The following SLFN12 variants were observed in gnomAD, a reference collection of about 807,000 sequenced individuals.
SLFN12 encodes the protein schlafen family member 12, also known as ribonuclease SLFN12.
Under a neutral mutation model 29.1 loss-of-function variants are expected in SLFN12, and 25 were observed. The observed-to-expected ratio is 0.86, with a 90% CI of 0.63 to 1.20. The LOEUF (loss-of-function observed/expected upper bound fraction) is 1.20. Among genes scored for constraint, SLFN12 ranks in the 50% most tolerant of loss-of-function variants. The pLI, the probability that SLFN12 is intolerant of heterozygous loss-of-function variation, is 0.00. For synonymous variants in SLFN12, 257 were observed against 238.7 expected, an observed-to-expected ratio of 1.08 and a Z score of -0.71; for missense variants, 660 against 666.2, an observed-to-expected ratio of 0.99 and a Z score of 0.10.
chr17:35,422,024 C>G lies in SLFN12; in HGVS notation c.1005G>C (p.Lys335Asn), dbSNP rs761111197. 18 of 1,614,074 alleles carry G rather than the reference C, an allele frequency of 1.1e-5. No individual in the cohort carries two copies. The South Asian group carries it at 2.0e-4, about 18-fold the overall frequency. Residue 335 changes from lysine (K) to asparagine (N), a missense_variant, in exon 2 of 4, where the codon AAG becomes AAC. Physicochemically the swap from Lys to Asn is moderately conservative, Grantham distance 94 (BLOSUM62 0). Transcript: ENST00000304905. ...KDNRVMQLTRKEWIQFMVEAE... is the reference protein window; with the variant it reads ...KDNRVMQLTRNEWIQFMVEAE... ...CCTCCACCATGAACTGGATCCATTC[C>G]TTCCTGGTCAACTGCATCACACGGT...
chr17:35,423,771 G>A (rs143575914), intron 1 of SLFN12, among the ~76,000 whole-genome samples: 1 of 152,220 alleles, frequency 6.6e-6, no homozygotes, highest in Non-Finnish European at 1.5e-5. Flanking sequence ...AGGTGATGAG[G>A]TTTTTGGGAA....
intron 1 of SLFN12, 92 bp from the exon 2 acceptor site, chr17:35,423,160 G>T: frequency 7.2e-7 from 1 of 1,390,864 alleles, no homozygotes; most frequent in Non-Finnish European, 9.5e-7. Flanking sequence ...ATCCTGTGCT[G>T]TATATATTCT....
intron 1 of SLFN12, among the ~76,000 whole-genome samples, chr17:35,427,976 A>C (rs1434189848): frequency 6.6e-6 from 1 of 152,104 alleles, no homozygotes; most frequent in Non-Finnish European, 1.5e-5. Context: ...AAGAAGCCAG[A>C]TTTCAGGATA....
chr17:35,422,024 C>T lies in SLFN12; in HGVS notation c.1005G>A (p.Lys335=). ...CCTCCACCATGAACTGGATCCATTC[C>T]TTCCTGGTCAACTGCATCACACGGT... ...KDNRVMQLTR[K]EWIQFMVEAE... is the part of the protein sequence containing the mutation. Residue 335 remains lysine (K), a synonymous_variant, in exon 2 of 4, where the codon AAG becomes AAA. Coordinates refer to ENST00000304905, the MANE Select transcript of SLFN12 (RefSeq NM_018042.5). 1 of 1,614,074 alleles carries T rather than the reference C, an allele frequency of 6.2e-7. No homozygotes were observed. The highest frequency in any genetic ancestry group is 8.5e-7 in the Non-Finnish European group (1 of 1,179,986).
intron 1 of SLFN12, 129 bp from the exon 2 acceptor site, chr17:35,423,197 A>G (rs1911809971): frequency 9.7e-7 from 1 of 1,028,892 alleles, no homozygotes; most frequent in East Asian, 2.8e-5. Context: ...TATGGATATG[A>G]AGAGACTGGC....
chr17:35,416,045 A>G (rs1274003973), intron 3 of SLFN12, among the ~76,000 whole-genome samples: 3 of 152,172 alleles, frequency 2.0e-5, no homozygotes, highest in Non-Finnish European at 4.4e-5. Flanking sequence ...CATGAGAAAG[A>G]TGTTTGCACA....
At position 35,422,197 on chromosome 17, in the gene SLFN12, T is replaced by C. The variant is rs770456367; in HGVS notation, c.832A>G (p.Met278Val). 20 of 1,614,028 alleles carry C rather than the reference T, an allele frequency of 1.2e-5. No homozygotes were observed. The highest frequency in any genetic ancestry group is 2.2e-5 in the South Asian group (2 of 91,090). ...IRKMPVHHFC[M>V]EKKKINYSCK... The stretch of plus-strand genomic sequence containing the variant: ...GAATAATTTATCTTCTTCTTCTCCA[T>C]ACAGAAGTGATGCACAGGCATCTTC... Residue 278 changes from methionine (M) to valine (V), a missense_variant, in exon 2 of 4, where the codon ATG (methionine) becomes GTG (valine). By Grantham distance (21) the Met-to-Val change is conservative (BLOSUM62 1). Coordinates refer to ENST00000304905, the MANE Select transcript of SLFN12 (RefSeq NM_018042.5).
Position 35,422,988 on chromosome 17 carries a change from A to C in SLFN12, c.41T>G (p.Leu14Trp). 6.2e-7 allele frequency: 1 copy of C among 1,613,320 alleles called. No individual in the cohort carries two copies. Among genetic ancestry groups the C allele is most frequent in the Non-Finnish European group, 8.5e-7 (1 of 1,179,732 alleles). ...AGTGACTCTTCCCACATCTAGAACC[A>C]ACTCGGCATAATTCGTTTCCAAATC... is the stretch of plus-strand genomic sequence containing the variant. ...SVDLETNYAELVLDVGRVTLG... is the reference protein window; with the variant it reads ...SVDLETNYAEWVLDVGRVTLG... Residue 14 changes from leucine to tryptophan, a missense_variant, in exon 2 of 4, where the codon TTG becomes TGG. By Grantham distance (61) the Leu-to-Trp change is moderately conservative. Coordinates refer to ENST00000304905, the MANE Select transcript of SLFN12 (RefSeq NM_018042.5).
intron 1 of SLFN12, among the ~76,000 whole-genome samples, chr17:35,427,751 A>G (rs1423142912): frequency 6.6e-6 from 1 of 152,140 alleles, no homozygotes; most frequent in Admixed American, 6.5e-5. Context: ...ATTACCTTAC[A>G]ACTGAACATT....
intron 1 of SLFN12, chr17:35,430,603 A>G (rs935104862): frequency 2.0e-5 from 3 of 152,124 alleles, no homozygotes; most frequent in Admixed American, 1.3e-4. Flanking sequence ...CTGCATGCAA[A>G]CATCGAAAAC....
intron 1 of SLFN12, chr17:35,430,536 T>G (rs1399230936): frequency 6.6e-6 from 1 of 152,152 alleles, no homozygotes; most frequent in Non-Finnish European, 1.5e-5. Context: ...GGTCGCATAT[T>G]TGTTTCACTT....
intron 3 of SLFN12, among the ~76,000 whole-genome samples, chr17:35,419,340 T>A (rs1025355502): frequency 7.9e-5 from 12 of 152,100 alleles, no homozygotes; most frequent in Admixed American, 2.0e-4. Flanking sequence ...GCCACCAGCT[T>A]GGAGAAAACA....
At chr17:35,431,829 A>G (rs1447326753) in intron 1 of SLFN12, 2 of 152,192 alleles carry the variant, frequency 1.3e-5, no homozygotes, top group East Asian at 3.8e-4. Context: ...AACCTTAGCC[A>G]GTAGAGTAGG....
intron 3 of SLFN12, among the ~76,000 whole-genome samples, chr17:35,412,433 T>C (rs1262866503): frequency 1.3e-5 from 2 of 152,080 alleles, no homozygotes; most frequent in Admixed American, 6.5e-5. Flanking sequence ...AGCCTCATGG[T>C]GCTCAGGAAA....
At chr17:35,428,778 A>G (rs1444821288) in intron 1 of SLFN12, among the ~76,000 whole-genome samples, 1 of 152,154 alleles carries the variant, frequency 6.6e-6, no homozygotes, top group Non-Finnish European at 1.5e-5. Context: ...ATGTGGCATA[A>G]TTATGCTAGA....
rs1042118183 is a variant in SLFN12 at position 35,411,934 on chromosome 17, A to G, written c.1148-7T>C. 4.6e-6 allele frequency: 7 copies of G among 1,535,398 alleles called. No homozygotes were observed. The African/African-American group carries it at 9.7e-5, about 21-fold the overall frequency. ...GTTATCCTTCCTGATAGCCCTGAAT[A>G]AGGAAATAATAATAATAAATTATAA... On this transcript the variant is annotated splice_region_variant and splice_polypyrimidine_tract_variant and intron_variant, in intron 3 of 3. Coordinates refer to ENST00000304905, the MANE Select transcript of SLFN12 (RefSeq NM_018042.5).
At position 35,413,069 on chromosome 17, in the gene SLFN12, A is replaced by T. The variant is rs75911937; in HGVS notation, c.1148-1142T>A. Among the ~76,000 whole-genome samples the T allele has an allele frequency of 1.2e-4, 10 of 83,134 alleles. 1 individual carries two copies. Among genetic ancestry groups the T allele is most frequent in the Non-Finnish European group, 1.8e-4 (6 of 33,030 alleles). The allele number at this position is 83,134 out of a possible 152,430, so 54.5% of individuals were successfully genotyped here. A position where few individuals can be genotyped will look rare whatever the true frequency, so the allele number is the denominator to read the frequency against. On this transcript the variant is annotated intron_variant, in intron 3 of 3. Coordinates refer to ENST00000304905, the MANE Select transcript of SLFN12 (RefSeq NM_018042.5). ...GCAAAAGTCCGAACTCAAACTCAAT[A>T]AAAAAAAAAAAGGTAAAAACAGAAG...
chr17:35,422,519 A>G lies in SLFN12; in HGVS notation c.510T>C (p.Asp170=), dbSNP rs991794068. ...CCTTCATGTTATTTTCTTCTTGTAT[A>G]TCAACACAGGGCCTCTTTGCCAGCA... is the stretch of plus-strand genomic sequence containing the variant. ...PELLAKRPCV[D]IQEENNMKAL... is the part of the protein sequence containing the mutation. The change falls in exon 2 of 4, where the codon GAT becomes GAC. Residue 170 remains aspartate, a synonymous_variant. Transcript: ENST00000304905. 2 of 1,614,040 alleles carry G rather than the reference A, an allele frequency of 1.2e-6. No homozygotes were observed. Among genetic ancestry groups the G allele is most frequent in the Non-Finnish European group, 1.7e-6 (2 of 1,179,984 alleles).
In SLFN12 at chr17:35,411,330, A is replaced by G. The variant is rs370501256; in HGVS notation, c.*8T>C. ...GAAAAATATCTCAGTAGCCCAGTCCATTTTCCATCAGGTGAGCCTTCGACA... is the reference window on the plus strand; with the variant it reads ...GAAAAATATCTCAGTAGCCCAGTCCGTTTTCCATCAGGTGAGCCTTCGACA... On this transcript the variant is annotated 3_prime_UTR_variant, in exon 4 of 4. Transcript: ENST00000304905. The G allele has an allele frequency of 1.2e-4, 182 of 1,501,400 alleles. 1 individual carries two copies. The highest frequency in any genetic ancestry group is 1.5e-4 in the Non-Finnish European group (167 of 1,120,064). 93.0% of individuals were successfully genotyped at this position (1,501,400 alleles called of 1,614,324 possible).
Sources: gnomAD v4.1 joint callset for allele counts (sites outside exome capture counted in the v4.1 genomes callset) on GRCh38, gnomAD v4.1.1 for gene constraint, MANE v1.5 for transcripts, NCBI Gene and HGNC (gene_info 2026-07-23, HGNC 2026-07-21) for gene names.